The following PDE3B variants were observed in gnomAD, a reference collection of about 807,000 sequenced individuals.
The protein encoded by PDE3B is phosphodiesterase 3B.
A neutral mutation model predicts 116.8 loss-of-function variants in PDE3B; 66 were observed. That is an observed-to-expected ratio of 0.56 (90% CI 0.46 to 0.69). The LOEUF (loss-of-function observed/expected upper bound fraction) is 0.69. Ranked by LOEUF, PDE3B falls within the 30% of genes least tolerant of loss-of-function variation. The pLI, the probability that PDE3B is intolerant of heterozygous loss-of-function variation, is 0.00. For missense variants in PDE3B, 1,384 were observed against 1,368.1 expected (o/e 1.01, Z -0.18); for synonymous variants, 595 against 533.6 (o/e 1.12, Z -1.59).
downstream of PDE3B, among the ~76,000 whole-genome samples, chr11:14,873,896 C>T (rs1414768968): frequency 6.6e-6 from 1 of 152,034 alleles, no homozygotes; most frequent in Non-Finnish European, 1.5e-5. Context: ...CAGAAAAATT[C>T]CTTATTCTTG....
At chr11:14,821,357 G>T (rs1333205474) in intron 7 of PDE3B, among the ~76,000 whole-genome samples, 2 of 152,174 alleles carry the variant, frequency 1.3e-5, no homozygotes, top group Non-Finnish European at 2.9e-5. Context: ...GTAAATAAAT[G>T]CTCTGTCTTG....
chr11:14,711,355 G>C (rs1855696823), intron 1 of PDE3B, among the ~76,000 whole-genome samples: 1 of 152,096 alleles, frequency 6.6e-6, no homozygotes, highest in South Asian at 2.1e-4. Context: ...ATAATTGAGA[G>C]GACTAGAAAG....
chr11:14,709,660 C>G (rs534895727), intron 1 of PDE3B, among the ~76,000 whole-genome samples: 10 of 152,302 alleles, frequency 6.6e-5, no homozygotes, highest in African/African-American at 1.9e-4. Context: ...TAGCACCTCT[C>G]TCCCCCGCAC....
chr11:14,879,118 G>A, the PDE3B span: 1 of 1,612,536 alleles, frequency 6.2e-7, no homozygotes, highest in Non-Finnish European at 8.5e-7. Context: ...TCTTACCTAG[G>A]GAAAAAGGAA....
At chr11:14,885,662 T>C in the PDE3B span, 4 of 1,131,362 alleles carry the variant, frequency 3.5e-6, no homozygotes, top group Non-Finnish European at 3.9e-6. Flanking sequence ...TGTAAATAAA[T>C]AGTTTCTTAT....
intron 1 of PDE3B, among the ~76,000 whole-genome samples, chr11:14,646,252 C>G (rs1853402788): frequency 1.3e-5 from 2 of 152,184 alleles, no homozygotes; most frequent in South Asian, 4.1e-4. Flanking sequence ...CTTTTCTGTT[C>G]TCTTCCTTCA....
At chr11:14,885,833 C>T in the PDE3B span, 42 of 1,613,430 alleles carry the variant, frequency 2.6e-5, no homozygotes, top group Middle Eastern at 5.1e-4. Flanking sequence ...GCAAAAATTT[C>T]GCTTTGATGA....
intron 7 of PDE3B, among the ~76,000 whole-genome samples, chr11:14,825,797 A>G (rs1409854156): frequency 6.6e-6 from 1 of 152,208 alleles, no homozygotes; most frequent in East Asian, 1.9e-4. Context: ...ATAGACCTCT[A>G]CAGAACTCTC....
chr11:14,707,799 A>G (rs541115118), intron 1 of PDE3B, among the ~76,000 whole-genome samples: 26 of 152,140 alleles, frequency 1.7e-4, no homozygotes, highest in Middle Eastern at 3.4e-3. Context: ...AGAAAGGCAA[A>G]TAATTTAGCT....
At chr11:14,721,218 T>A (rs1375280550) in intron 1 of PDE3B, among the ~76,000 whole-genome samples, 2 of 152,082 alleles carry the variant, frequency 1.3e-5, no homozygotes, top group Non-Finnish European at 2.9e-5. Context: ...ATCAAAACAC[T>A]ATGAGATACC....
intron 5 of PDE3B, among the ~76,000 whole-genome samples, chr11:14,814,122 G>C (rs1410331096): frequency 6.6e-6 from 1 of 152,044 alleles, no homozygotes; most frequent in East Asian, 1.9e-4. Context: ...TTTTTAATCT[G>C]ATAAAGTATC....
intron 12 of PDE3B, among the ~76,000 whole-genome samples, chr11:14,851,925 T>G (rs939100649): frequency 6.6e-6 from 1 of 152,204 alleles, no homozygotes; most frequent in South Asian, 2.1e-4. Context: ...AACCTAAAAA[T>G]AGTTATCTGA....
At chr11:14,819,102 T>C in intron 6 of PDE3B, 34 bp from the exon 7 acceptor site, 1 of 1,312,850 alleles carries the variant, frequency 7.6e-7, no homozygotes, top group Non-Finnish European at 1.1e-6. Flanking sequence ...TGTACCTCAT[T>C]TACCGTATAT....
chr11:14,858,225 G>C (rs1847884637), intron 12 of PDE3B, among the ~76,000 whole-genome samples: 1 of 151,634 alleles, frequency 6.6e-6, no homozygotes, highest in African/African-American at 2.4e-5. Flanking sequence ...ACAGGGATAG[G>C]GTTTTAATTT....
chr11:14,848,541 G>T (rs1259659011), intron 12 of PDE3B, among the ~76,000 whole-genome samples: 1 of 152,030 alleles, frequency 6.6e-6, no homozygotes, highest in Non-Finnish European at 1.5e-5. Flanking sequence ...AAAAGAGGAA[G>T]TCAAATTGTC....
downstream of PDE3B, chr11:14,872,099 G>A (rs923834616): frequency 2.6e-5 from 4 of 152,128 alleles, no homozygotes; most frequent in African/African-American, 9.7e-5. Context: ...CTTTGTTGGT[G>A]CTATTGGCTT....
chr11:14,685,344 G>A (rs750059640), intron 1 of PDE3B, among the ~76,000 whole-genome samples: 1 of 151,496 alleles, frequency 6.6e-6, no homozygotes, highest in African/African-American at 2.4e-5. Context: ...CCCAGAATGG[G>A]ATATGAATGT....
intron 1 of PDE3B, among the ~76,000 whole-genome samples, chr11:14,759,694 G>A (rs1857300486): frequency 6.6e-6 from 1 of 151,804 alleles, no homozygotes; most frequent in African/African-American, 2.4e-5. Flanking sequence ...GACTACAGGT[G>A]TGTGCCACCA....
chr11:14,671,205 A>G (rs1228906082), intron 1 of PDE3B, among the ~76,000 whole-genome samples: 1 of 152,202 alleles, frequency 6.6e-6, no homozygotes, highest in Non-Finnish European at 1.5e-5. Flanking sequence ...AAGAAAATAA[A>G]ACAGAATAAT....
Sources: gnomAD v4.1 joint callset for allele counts (sites outside exome capture counted in the v4.1 genomes callset) on GRCh38, gnomAD v4.1.1 for gene constraint, MANE v1.5 for transcripts, NCBI Gene and HGNC (gene_info 2026-07-23, HGNC 2026-07-21) for gene names.